FGFRL1: variants seen among roughly 807,000 people sequenced by gnomAD.
The protein encoded by FGFRL1 is fibroblast growth factor receptor-like 1.
A neutral mutation model predicts 36.8 loss-of-function variants in FGFRL1; 24 were observed. That is an observed-to-expected ratio of 0.65 (90% CI 0.47 to 0.92). The LOEUF is 0.92. Ranked by LOEUF, FGFRL1 falls within the 40% of genes least tolerant of loss-of-function variation. The pLI is 0.00. For synonymous variants in FGFRL1, 422 were observed against 344.1 expected (o/e 1.23, Z -2.50); for missense variants, 785 against 753.4 (o/e 1.04, Z -0.49).
At chr4:1,018,373 G>A (rs1034549163) in intron 2 of FGFRL1, among the ~76,000 whole-genome samples, 7 of 152,090 alleles carry the variant, frequency 4.6e-5, no homozygotes, top group Admixed American at 2.0e-4. Flanking sequence ...GGGGCGGCGG[G>A]AGGATTTGGA....
rs756472488 is a variant in FGFRL1 at position 1,025,265 on chromosome 4, T to C, written c.1433T>C (p.Ile478Thr). 19 of 1,595,496 alleles carry C rather than the reference T, an allele frequency of 1.2e-5. No individual in the cohort carries two copies. The Admixed American group carries it at 1.6e-4, about 13-fold the overall frequency. ...TTGTACCCCAAACTCTACACAGACATCCACACACACACACACACACACTCT... is the reference window on the plus strand; with the variant it reads ...TTGTACCCCAAACTCTACACAGACACCCACACACACACACACACACACTCT... Reference protein sequence around the residue: ...PKLYPKLYTDIHTHTHTHSHT... With the variant: ...PKLYPKLYTDTHTHTHTHSHT... The change falls in exon 7 of 7, where the codon ATC (isoleucine) becomes ACC (threonine). Residue 478 changes from isoleucine (I) to threonine (T), a missense_variant. Ile to Thr is a moderately conservative substitution (Grantham distance 89, BLOSUM62 -1). Transcript: ENST00000510644.
At position 1,012,314 on chromosome 4, in the gene FGFRL1, C is replaced by G. The variant is rs978322474; in HGVS notation, c.-16-156C>G. On this transcript the variant is annotated intron_variant, in intron 1 of 6. Transcript: ENST00000510644. ...AAACCCTTTGTCTGCCTTTGATACC[C>G]ACAGCTTCTCCCCGCTGCGGCTTCC... 2.2e-5 allele frequency: 16 copies of G among 718,810 alleles called. No homozygotes were observed. The African/African-American group carries it at 2.3e-4, about 10-fold the overall frequency. 44.5% of individuals were successfully genotyped at this position (718,810 alleles called of 1,614,324 possible).
chr4:1,019,850 G>T (rs1303720964), intron 2 of FGFRL1, among the ~76,000 whole-genome samples: 2 of 152,212 alleles, frequency 1.3e-5, no homozygotes, highest in African/African-American at 4.8e-5. Context: ...CAAGGACTGG[G>T]ATGGGCCGGG....
In FGFRL1 at chr4:1,011,733, C is replaced by G. The variant is rs1038598118; in HGVS notation, c.-238C>G. ...CCCGGCCCCCGGCCCCGCGGACTCGCCCCCGCCGCCTGCCCGGTCCGGGAC... is the reference window on the plus strand; with the variant it reads ...CCCGGCCCCCGGCCCCGCGGACTCGGCCCCGCCGCCTGCCCGGTCCGGGAC... On this transcript the variant is annotated 5_prime_UTR_variant, in exon 1 of 7. Transcript: ENST00000510644. 1.4e-5 allele frequency: 2 copies of G among 144,052 alleles called. No individual in the cohort carries two copies. The highest frequency in any genetic ancestry group is 5.0e-5 in the African/African-American group (2 of 40,006). 8.9% of individuals were successfully genotyped at this position (144,052 alleles called of 1,614,324 possible).
At chr4:1,010,797 T>TG (rs1417999163), upstream of FGFRL1, 1 of 152,254 alleles carries the variant, frequency 6.6e-6, no homozygotes, top group African/African-American at 2.4e-5. Context: ...CGCGAAGAGC[T>TG]GGGCGCTGTC....
At chr4:1,012,610 C>A (rs775718934) in intron 2 of FGFRL1, 46 bp downstream of exon 2, 2 of 906,372 alleles carry the variant, frequency 2.2e-6, no homozygotes, top group African/African-American at 3.5e-5. Context: ...CCGCCAGCGC[C>A]GCCCCCTTCC....
At position 1,023,576 on chromosome 4, in the gene FGFRL1, G is replaced by T; in HGVS notation, c.353-65G>T. 1 of 1,449,444 alleles carries T rather than the reference G, an allele frequency of 6.9e-7. No individual in the cohort carries two copies. The highest frequency in any genetic ancestry group is 9.5e-7 in the Non-Finnish European group (1 of 1,056,296). The allele number at this position is 1,449,444 out of a possible 1,614,324, so 89.8% of individuals were successfully genotyped here. A position where few individuals can be genotyped will look rare whatever the true frequency, so the allele number is the denominator to read the frequency against. Reference sequence around the variant, plus strand: ...GCTGGGGGAGCTAGAGGCCACGGGGGAGTTGGGGGAGCTCCTCAGGGCCCC... The same window carrying T: ...GCTGGGGGAGCTAGAGGCCACGGGGTAGTTGGGGGAGCTCCTCAGGGCCCC... On this transcript the variant is annotated intron_variant, in intron 3 of 6. Coordinates refer to ENST00000510644, the MANE Select transcript of FGFRL1 (RefSeq NM_001004356.3). This position sits in a 1 kb window ranked among gnomAD's most constrained non-coding sequence, Gnocchi z 6.0.
chr4:1,021,780 G>T lies in FGFRL1; in HGVS notation c.80-423G>T, dbSNP rs140809545. ...CATCCCCCTACTGCCCTTGTCCTTG[G>T]GGGGCCACTGTCCCCTCTGACCTCG... On this transcript the variant is annotated intron_variant, in intron 2 of 6. Coordinates refer to ENST00000510644, the MANE Select transcript of FGFRL1 (RefSeq NM_001004356.3). Among the ~76,000 whole-genome samples the T allele has an allele frequency of 3.7e-3, 558 of 152,256 alleles. 1 individual carries two copies. The highest frequency in any genetic ancestry group is 6.3e-3 in the Admixed American group (96 of 15,300).
chr4:1,023,581 G>T lies in FGFRL1; in HGVS notation c.353-60G>T, dbSNP rs1263841223. The T allele has an allele frequency of 1.1e-5, 16 of 1,475,072 alleles. No individual in the cohort carries two copies. The highest frequency in any genetic ancestry group is 1.4e-5 in the Non-Finnish European group (15 of 1,079,654). 91.4% of individuals were successfully genotyped at this position (1,475,072 alleles called of 1,614,324 possible). A position where few individuals can be genotyped will look rare whatever the true frequency, so the allele number is the denominator to read the frequency against. On this transcript the variant is annotated intron_variant, in intron 3 of 6. Transcript: ENST00000510644. This position sits in a 1 kb window ranked among gnomAD's most constrained non-coding sequence, Gnocchi z 6.0. The stretch of plus-strand genomic sequence containing the variant: ...GGGAGCTAGAGGCCACGGGGGAGTT[G>T]GGGGAGCTCCTCAGGGCCCCCCTCA...
At chr4:1,024,741 G>C (rs966344337) in intron 6 of FGFRL1, 77 bp downstream of exon 6, 72 of 1,478,266 alleles carry the variant, frequency 4.9e-5, no homozygotes, top group Non-Finnish European at 6.0e-5. Flanking sequence ...CACCCACCGG[G>C]TGGGGCCCCA....
intron 6 of FGFRL1, 21 bp from the exon 7 acceptor site, chr4:1,024,884 C>T (rs1716418012): frequency 1.3e-6 from 2 of 1,569,556 alleles, no homozygotes. Context: ...CTCCCTACCT[C>T]CTTTCCTCTC....
intron 2 of FGFRL1, among the ~76,000 whole-genome samples, chr4:1,020,404 C>T (rs1716107189): frequency 6.6e-6 from 1 of 151,978 alleles, no homozygotes; most frequent in South Asian, 2.1e-4. Flanking sequence ...TTGGGAGCAG[C>T]ACGTGGGGAG....
intron 2 of FGFRL1, among the ~76,000 whole-genome samples, chr4:1,017,932 A>G (rs1001721066): frequency 6.6e-6 from 1 of 152,190 alleles, no homozygotes; most frequent in Admixed American, 6.5e-5. Context: ...TATCTGCTGT[A>G]TGCCAGGCCT....
At chr4:1,017,831 G>T (rs1715973072) in intron 2 of FGFRL1, among the ~76,000 whole-genome samples, 2 of 152,170 alleles carry the variant, frequency 1.3e-5, no homozygotes, top group South Asian at 4.1e-4. Context: ...GGCCACAGGA[G>T]GGAAGCCGGG....
At chr4:1,019,358 G>A (rs1052512183) in intron 2 of FGFRL1, among the ~76,000 whole-genome samples, 4 of 152,246 alleles carry the variant, frequency 2.6e-5, no homozygotes, top group Non-Finnish European at 5.9e-5. Context: ...GAACATGCAC[G>A]TGTGAGGCCT....
In FGFRL1 at chr4:1,024,366, G is replaced by T; in HGVS notation, c.774G>T (p.Val258=). The T allele has an allele frequency of 1.2e-6, 2 of 1,612,272 alleles. No homozygotes were observed. The highest frequency in any genetic ancestry group is 8.5e-7 in the Non-Finnish European group (1 of 1,179,664). Residue 258 remains valine, a synonymous_variant, in exon 6 of 7, where the codon GTG becomes GTT. Transcript: ENST00000510644. The stretch of plus-strand genomic sequence containing the variant: ...GCACGCACCCCGTGAACACGACGGT[G>T]GACTTCGGGGGGACCACGTCCTTCC... ...LTGTHPVNTT[V]DFGGTTSFQC...
In FGFRL1 at chr4:1,023,868, G is replaced by C. The variant is rs761612724; in HGVS notation, c.485G>C (p.Arg162Pro). 5 of 1,575,894 alleles carry C rather than the reference G, an allele frequency of 3.2e-6. No individual in the cohort carries two copies. The highest frequency in any genetic ancestry group is 1.4e-5 in the African/African-American group (1 of 73,912). The change falls in exon 5 of 7, where the codon CGG becomes CCG. Residue 162 changes from arginine to proline, a missense_variant. By Grantham distance (103) the Arg-to-Pro change is moderately radical. Coordinates refer to ENST00000510644, the MANE Select transcript of FGFRL1 (RefSeq NM_001004356.3). The surrounding 1 kb of genome is among the most constrained non-coding windows in gnomAD (Gnocchi z 6.0). ...AAGATGAGGCGCCGGGTGATCGCAC[G>C]GCCCGTGGGTAGCTCCGTGCGGCTC... ...PSKMRRRVIA[R>P]PVGSSVRLKC... is the part of the protein sequence containing the mutation.
upstream of FGFRL1, chr4:1,011,035 CT>C (rs1170571167): frequency 6.6e-6 from 1 of 152,310 alleles, no homozygotes; most frequent in African/African-American, 2.4e-5. Flanking sequence ...CCGTCCCCCC[CT>C]ACCCCGTCCC....
At chr4:1,021,164 G>A (rs1716157445) in intron 2 of FGFRL1, among the ~76,000 whole-genome samples, 1 of 138,752 alleles carries the variant, frequency 7.2e-6, no homozygotes, top group African/African-American at 2.9e-5. Flanking sequence ...ACCCAGACAG[G>A]GGGTGGGGTG....
Sources: gnomAD v4.1 joint callset for allele counts (sites outside exome capture counted in the v4.1 genomes callset) on GRCh38, gnomAD v4.1.1 for gene constraint, Gnocchi (gnomAD v3.1) non-coding constraint, MANE v1.5 for transcripts, NCBI Gene and HGNC (gene_info 2026-07-23, HGNC 2026-07-21) for gene names.